Variants in ZNF704 observed in about 807,000 individuals in gnomAD.
The protein encoded by ZNF704 is zinc finger protein 704.
Under a neutral mutation model 44.7 loss-of-function variants are expected in ZNF704, and 10 were observed. That is an observed-to-expected ratio of 0.22 (90% CI 0.14 to 0.38). ZNF704 has a LOEUF of 0.38. ZNF704 is among the 10% of genes least tolerant of loss of function. The pLI, the probability that ZNF704 is intolerant of heterozygous loss-of-function variation, is 1.00. For synonymous variants in ZNF704, 211 were observed against 207.6 expected (o/e 1.02, Z -0.14); for missense variants, 390 against 545.5 (o/e 0.71, Z 2.84).
intron 2 of ZNF704, among the ~76,000 whole-genome samples, chr8:80,731,232 T>C (rs972825959): frequency 2.0e-5 from 3 of 152,208 alleles, no homozygotes; most frequent in Non-Finnish European, 4.4e-5. Context: ...TAGATTTCTA[T>C]TGGTAAATCT....
intron 2 of ZNF704, among the ~76,000 whole-genome samples, chr8:80,763,193 A>C (rs982328119): frequency 1.3e-5 from 2 of 152,152 alleles, no homozygotes; most frequent in Admixed American, 6.5e-5. Context: ...CTCTCTTCTC[A>C]CAGCTCCACT....
At chr8:80,873,241 C>T (rs1809286811) in intron 1 of ZNF704, among the ~76,000 whole-genome samples, 2 of 152,180 alleles carry the variant, frequency 1.3e-5, no homozygotes, top group African/African-American at 4.8e-5. Flanking sequence ...CACCCAAGTT[C>T]CCCACCTCAC....
chr8:80,790,321 C>A (rs1207514472), intron 2 of ZNF704, among the ~76,000 whole-genome samples: 1 of 151,824 alleles, frequency 6.6e-6, no homozygotes, highest in Non-Finnish European at 1.5e-5. Context: ...CTGAACTGGA[C>A]CTTGGTTATG....
At chr8:80,729,989 C>T (rs1806550921) in intron 2 of ZNF704, among the ~76,000 whole-genome samples, 1 of 152,108 alleles carries the variant, frequency 6.6e-6, no homozygotes. Flanking sequence ...GAATTGTATG[C>T]CCCATTCGAA....
intron 1 of ZNF704, among the ~76,000 whole-genome samples, chr8:80,872,076 C>T (rs1245465923): frequency 2.6e-5 from 4 of 152,108 alleles, no homozygotes; most frequent in Admixed American, 2.6e-4. Flanking sequence ...ACTATTCAAA[C>T]CACAGGACAC....
intron 5 of ZNF704, 73 bp downstream of exon 5, chr8:80,670,430 T>G: frequency 9.3e-7 from 1 of 1,074,170 alleles, no homozygotes; most frequent in Non-Finnish European, 1.4e-6. Flanking sequence ...CAGTGTGGTG[T>G]GCAATTTCTG....
At chr8:80,787,499 C>T (rs1334992401) in intron 2 of ZNF704, among the ~76,000 whole-genome samples, 1 of 152,158 alleles carries the variant, frequency 6.6e-6, no homozygotes, top group Non-Finnish European at 1.5e-5. Context: ...TGGAGGGTAA[C>T]TGCATTTTAA....
At chr8:80,774,725 G>A (rs2129675816) in intron 2 of ZNF704, among the ~76,000 whole-genome samples, 1 of 152,298 alleles carries the variant, frequency 6.6e-6, no homozygotes, top group East Asian at 1.9e-4. Context: ...GCATGGGTGA[G>A]GGTGGGTCCA....
chr8:80,711,981 C>T (rs750202273), intron 2 of ZNF704, among the ~76,000 whole-genome samples: 6 of 152,258 alleles, frequency 3.9e-5, no homozygotes, highest in East Asian at 3.9e-4. Flanking sequence ...TTTAAAAATG[C>T]CCTTAACAAA....
intron 2 of ZNF704, among the ~76,000 whole-genome samples, chr8:80,732,020 T>A (rs924993016): frequency 1.3e-5 from 2 of 152,206 alleles, no homozygotes; most frequent in Non-Finnish European, 2.9e-5. Context: ...CTAAAAATAC[T>A]AAAGACCAAT....
At chr8:80,669,725 T>A (rs924400482) in intron 5 of ZNF704, among the ~76,000 whole-genome samples, 1 of 152,220 alleles carries the variant, frequency 6.6e-6, no homozygotes, top group Admixed American at 6.5e-5. Context: ...GTTTGCCTTA[T>A]GAACACTGGT....
intron 2 of ZNF704, among the ~76,000 whole-genome samples, chr8:80,723,103 T>C (rs969481711): frequency 1.3e-5 from 2 of 152,242 alleles, no homozygotes; most frequent in African/African-American, 4.8e-5. Context: ...AACTGAATGA[T>C]ACTAATAACA....
rs112305520 is a variant in ZNF704 at position 80,756,108 on chromosome 8, CAAA to C, written c.222-63004_222-63002del. On this transcript the variant is annotated intron_variant, in intron 2 of 8. Transcript: ENST00000327835. The stretch of plus-strand genomic sequence containing the variant: ...TGTGTAACAGAGGGAGACCTCGTCT[CAAA>C]AAAAAAAAAATGTAGCTGAAGAGCT... Among the ~76,000 whole-genome samples the C allele has an allele frequency of 2.2e-5, 3 of 136,156 alleles. No homozygotes were observed. The Admixed American group carries it at 2.2e-4, about 10-fold the overall frequency. The allele number at this position is 136,156 out of a possible 152,430, so 89.3% of individuals were successfully genotyped here.
intron 2 of ZNF704, among the ~76,000 whole-genome samples, chr8:80,743,170 C>T (rs1410885113): frequency 1.6e-5 from 2 of 122,968 alleles, no homozygotes; most frequent in African/African-American, 6.5e-5. Context: ...TCTGTTTTCA[C>T]TCTATTACAT....
chr8:80,775,616 T>C (rs948766274), intron 2 of ZNF704, among the ~76,000 whole-genome samples: 2 of 152,234 alleles, frequency 1.3e-5, no homozygotes, highest in Non-Finnish European at 2.9e-5. Context: ...TTAAGTTGAA[T>C]ATCCCAAATA....
intron 1 of ZNF704, among the ~76,000 whole-genome samples, chr8:80,844,014 T>C (rs1238872607): frequency 6.6e-6 from 1 of 151,108 alleles, no homozygotes; most frequent in Non-Finnish European, 1.5e-5. Context: ...TGTATATGTG[T>C]GTGTCACTAA....
chr8:80,878,560 A>T (rs1206705557), upstream of ZNF704, among the ~76,000 whole-genome samples: 1 of 152,250 alleles, frequency 6.6e-6, no homozygotes, highest in African/African-American at 2.4e-5. Flanking sequence ...TAAAAAGCTT[A>T]TGAAAGTAAG....
At chr8:80,761,787 T>C (rs1807136147) in intron 2 of ZNF704, among the ~76,000 whole-genome samples, 1 of 152,206 alleles carries the variant, frequency 6.6e-6, no homozygotes, top group African/African-American at 2.4e-5. Context: ...ATCATATTCA[T>C]AAATAGGTCA....
chr8:80,717,622 A>G, intron 2 of ZNF704, among the ~76,000 whole-genome samples: 1 of 152,202 alleles, frequency 6.6e-6, no homozygotes, highest in East Asian at 1.9e-4. Flanking sequence ...GTTCTTGCCA[A>G]TGCATTCCCT....
Sources: gnomAD v4.1 joint callset for allele counts (sites outside exome capture counted in the v4.1 genomes callset) on GRCh38, gnomAD v4.1.1 for gene constraint, MANE v1.5 for transcripts, NCBI Gene and HGNC (gene_info 2026-07-23, HGNC 2026-07-21) for gene names.